GUCA1A: variants seen among roughly 807,000 people sequenced by gnomAD.
GUCA1A encodes the protein guanylate cyclase activator 1A, also known as guanylyl cyclase-activating protein 1.
Under a neutral mutation model 18.5 loss-of-function variants are expected in GUCA1A, and 14 were observed. The ratio of observed to expected loss-of-function variants is 0.76; its 90% CI spans 0.50 to 1.18. The LOEUF is 1.18. Ranked by LOEUF, GUCA1A falls within the 50% of genes most tolerant of loss-of-function variation. The pLI is 0.00. For synonymous variants in GUCA1A, 97 were observed against 100.2 expected, an observed-to-expected ratio of 0.97 and a Z score of 0.19; for missense variants, 264 against 262.4, an observed-to-expected ratio of 1.01 and a Z score of -0.04.
chr6:42,178,184 C>A, intron 1 of GUCA1A, 96 bp from the exon 2 acceptor site: 1 of 1,451,880 alleles, frequency 6.9e-7, no homozygotes. Context: ...TTGGGGCTTG[C>A]CGAGATGGGC....
chr6:42,178,809 G>C lies in GUCA1A; in HGVS notation c.359G>C (p.Arg120Pro). The change falls in exon 3 of 4, where the codon CGC becomes CCC. Residue 120 changes from arginine (R) to proline (P), a missense_variant. By Grantham distance (103) the Arg-to-Pro change is moderately radical. Coordinates refer to ENST00000372958, the MANE Select transcript of GUCA1A (RefSeq NM_001384910.1). ...DELLTIIQAI[R>P]AINPCSDTTM... ...CCCCTTCTTCCCTCCCAGGCCATTC[G>C]CGCCATTAACCCCTGCAGCGATACC... 1 of 1,612,386 alleles carries C rather than the reference G, an allele frequency of 6.2e-7. No individual in the cohort carries two copies. The highest frequency in any genetic ancestry group is 8.5e-7 in the Non-Finnish European group (1 of 1,178,492).
At position 42,174,842 on chromosome 6, in the gene GUCA1A, G is replaced by A. The variant is rs183487000; in HGVS notation, c.201+1028G>A. Among the ~76,000 whole-genome samples the A allele has an allele frequency of 1.8e-4, 27 of 152,370 alleles. No individual in the cohort carries two copies. In the East Asian group the frequency reaches 3.5e-3, roughly 20 times the overall value. On this transcript the variant is annotated intron_variant, in intron 1 of 3. Coordinates refer to ENST00000372958, the MANE Select transcript of GUCA1A (RefSeq NM_001384910.1). ...TGAGGATGCAATGAGGCGCTGCCGC[G>A]TGTCCTCTGCAGACCCGGGAGAGGT...
chr6:42,179,175 C>T, intron 3 of GUCA1A, 68 bp from the exon 4 acceptor site: 4 of 1,459,700 alleles, frequency 2.7e-6, no homozygotes, highest in Middle Eastern at 3.5e-4. Context: ...GGCAAGAACC[C>T]GGTTCTGTGC....
chr6:42,173,618 G>T lies in GUCA1A; in HGVS notation c.5G>T (p.Gly2Val). 6.2e-7 allele frequency: 1 copy of T among 1,613,514 alleles called. No homozygotes were observed. The highest frequency in any genetic ancestry group is 8.5e-7 in the Non-Finnish European group (1 of 1,179,592). ...AGCCCCCTGAAGGCCTGAGCAATGG[G>T]CAACGTGATGGAGGGAAAGTCAGTG... M[G>V]NVMEGKSVEE... Residue 2 changes from glycine to valine, a missense_variant, in exon 1 of 4, where the codon GGC (glycine) becomes GTC (valine). Transcript: ENST00000372958.
At position 42,179,743 on chromosome 6, in the gene GUCA1A, T is replaced by C. The variant is rs886577802; in HGVS notation, c.*340T>C. 1 of 200,936 alleles carries C rather than the reference T, an allele frequency of 5.0e-6. No individual in the cohort carries two copies. 12.4% of individuals were successfully genotyped at this position (200,936 alleles called of 1,614,324 possible). A position where few individuals can be genotyped will look rare whatever the true frequency, so the allele number is the denominator to read the frequency against. ...TGAGCTTCTCCAGTCCATGCTCTTC[T>C]GGACGTGGACTCTCTGAGGCAGAAC... On this transcript the variant is annotated 3_prime_UTR_variant, in exon 4 of 4. Coordinates refer to ENST00000372958, the MANE Select transcript of GUCA1A (RefSeq NM_001384910.1).
intron 1 of GUCA1A, among the ~76,000 whole-genome samples, chr6:42,175,681 G>T (rs576361617): frequency 6.6e-6 from 1 of 152,222 alleles, no homozygotes; most frequent in South Asian, 2.1e-4. Context: ...GTCTTAATGT[G>T]TGTCCCATGC....
At position 42,179,668 on chromosome 6, in the gene GUCA1A, A is replaced by AC. The variant is rs1768067151; in HGVS notation, c.*270dup. Reference sequence around the variant, plus strand: ...TTCAACATCCCTCTGCCGTCGGGTGACCCCCTAGCCCTTCTGACTCCTCTC... The same window carrying AC: ...TTCAACATCCCTCTGCCGTCGGGTGACCCCCCTAGCCCTTCTGACTCCTCTC... On this transcript the variant is annotated 3_prime_UTR_variant, in exon 4 of 4. Coordinates refer to ENST00000372958, the MANE Select transcript of GUCA1A (RefSeq NM_001384910.1). 1 of 363,414 alleles carries AC rather than the reference A, an allele frequency of 2.8e-6. No homozygotes were observed. The highest frequency in any genetic ancestry group is 4.9e-6 in the Non-Finnish European group (1 of 202,492). 22.5% of individuals were successfully genotyped at this position (363,414 alleles called of 1,614,324 possible).
At chr6:42,178,257 C>A (rs766522388) in intron 1 of GUCA1A, 23 bp from the exon 2 acceptor site, 1 of 1,612,316 alleles carries the variant, frequency 6.2e-7, no homozygotes, top group Non-Finnish European at 8.5e-7. Flanking sequence ...GATGGGCTCA[C>A]GGCGGCCGCG....
At position 42,178,579 on chromosome 6, in the gene GUCA1A, C is replaced by T. The variant is rs559987694; in HGVS notation, c.351+150C>T. ...CTGTAGGCCTCACCAGCTGCGTGAC[C>T]CAGGCCACGTTCCTTCCCTTCCTTG... On this transcript the variant is annotated intron_variant, in intron 2 of 3. Coordinates refer to ENST00000372958, the MANE Select transcript of GUCA1A (RefSeq NM_001384910.1). 7.9e-5 allele frequency: 67 copies of T among 845,682 alleles called. 1 individual carries two copies. The South Asian group carries it at 8.6e-4, about 11-fold the overall frequency. 52.4% of individuals were successfully genotyped at this position (845,682 alleles called of 1,614,324 possible).
At chr6:42,177,681 T>C (rs1767992975) in intron 1 of GUCA1A, among the ~76,000 whole-genome samples, 1 of 152,212 alleles carries the variant, frequency 6.6e-6, no homozygotes, top group Non-Finnish European at 1.5e-5. Context: ...TTAGCAGTTT[T>C]CTTGCTTATT....
chr6:42,176,454 A>G (rs1403024169), intron 1 of GUCA1A, among the ~76,000 whole-genome samples: 1 of 151,790 alleles, frequency 6.6e-6, no homozygotes, highest in Admixed American at 6.6e-5. Flanking sequence ...GTTTTTTGAG[A>G]TGGAGTTTTG....
At chr6:42,178,168 C>T (rs1768006571) in intron 1 of GUCA1A, 112 bp from the exon 2 acceptor site, 6 of 1,270,968 alleles carry the variant, frequency 4.7e-6, no homozygotes, top group Non-Finnish European at 6.8e-6. Context: ...CTCCCCTCAG[C>T]GTCTCTTGGG....
At chr6:42,176,464 G>T (rs755458958) in intron 1 of GUCA1A, among the ~76,000 whole-genome samples, 2 of 151,910 alleles carry the variant, frequency 1.3e-5, no homozygotes, top group Non-Finnish European at 2.9e-5. Context: ...ATGGAGTTTT[G>T]CTCTTGTCAC....
At chr6:42,179,217 C>T (rs763451936) in intron 3 of GUCA1A, 26 bp from the exon 4 acceptor site, 1 of 1,608,928 alleles carries the variant, frequency 6.2e-7, no homozygotes, top group Non-Finnish European at 8.5e-7. Flanking sequence ...CCCTCCTCCC[C>T]CTGATTCCCT....
At position 42,179,327 on chromosome 6, in the gene GUCA1A, C is replaced by G; in HGVS notation, c.530C>G (p.Thr177Ser). The G allele has an allele frequency of 1.9e-6, 3 of 1,613,844 alleles. No individual in the cohort carries two copies. The highest frequency in any genetic ancestry group is 2.5e-6 in the Non-Finnish European group (3 of 1,179,782). ...ACACTGACACGAAGCCTGGACCTTA[C>G]CCGCATCGTGCGCAGGCTCCAGAAT... is the stretch of plus-strand genomic sequence containing the variant. ...LDTLTRSLDL[T>S]RIVRRLQNGE... Residue 177 changes from threonine to serine, a missense_variant, in exon 4 of 4, where the codon ACC becomes AGC. Thr to Ser is a moderately conservative substitution (Grantham distance 58). Transcript: ENST00000372958.
Position 42,173,594 on chromosome 6 carries a change from G to A in GUCA1A, c.-20G>A. 6.2e-7 allele frequency: 1 copy of A among 1,606,000 alleles called. No homozygotes were observed. Among genetic ancestry groups the A allele is most frequent in the Non-Finnish European group, 8.5e-7 (1 of 1,173,312 alleles). On this transcript the variant is annotated 5_prime_UTR_variant, in exon 1 of 4. Transcript: ENST00000372958. ...CAGGGCCTGTCCATCTCAGACGTCA[G>A]CCCCCTGAAGGCCTGAGCAATGGGC...
intron 1 of GUCA1A, among the ~76,000 whole-genome samples, chr6:42,177,144 G>C (rs1344675735): frequency 3.3e-5 from 5 of 152,118 alleles, no homozygotes; most frequent in Non-Finnish European, 2.9e-5. Flanking sequence ...AATCACACAG[G>C]TGCACACAAA....
chr6:42,178,454 G>C (rs1180693208), intron 2 of GUCA1A, 25 bp downstream of exon 2: 1 of 1,607,864 alleles, frequency 6.2e-7, no homozygotes, highest in Non-Finnish European at 8.5e-7. Context: ...GCCAGGGCTG[G>C]GGGCAGCGGT....
intron 1 of GUCA1A, among the ~76,000 whole-genome samples, chr6:42,175,089 G>A (rs1322017941): frequency 6.6e-6 from 1 of 152,218 alleles, no homozygotes; most frequent in Non-Finnish European, 1.5e-5. Context: ...TACAGAGACT[G>A]GGAGGGATGG....
Sources: allele counts gnomAD v4.1 joint callset (sites outside exome capture counted in the v4.1 genomes callset), GRCh38; gene constraint gnomAD v4.1.1; transcripts MANE v1.5; gene names NCBI Gene and HGNC (gene_info 2026-07-23, HGNC 2026-07-21).